The following CSMD1 variants were observed in gnomAD, a reference collection of about 807,000 sequenced individuals.
CSMD1 encodes the protein CUB and Sushi multiple domains 1, also known as CUB and sushi domain-containing protein 1.
In CSMD1, 213 loss-of-function variants were observed where a neutral mutation model predicts 417.5. That is an observed-to-expected ratio of 0.51 (90% CI 0.46 to 0.57). The LOEUF (loss-of-function observed/expected upper bound fraction) is 0.57. CSMD1 is among the 20% of genes least tolerant of loss of function. CSMD1 has a pLI of 0.00. For missense variants in CSMD1, 6,923 were observed against 4,529.7 expected, an observed-to-expected ratio of 1.53 and a Z score of -15.17; for synonymous variants, 2,862 against 1,736.8, an observed-to-expected ratio of 1.65 and a Z score of -16.11.
chr8:4,379,447 A>C (rs998225727), intron 3 of CSMD1, among the ~76,000 whole-genome samples: 1 of 152,228 alleles, frequency 6.6e-6, no homozygotes, highest in African/African-American at 2.4e-5. Flanking sequence ...TTAGTTAATA[A>C]TGCTGTGTCA....
intron 39 of CSMD1, among the ~76,000 whole-genome samples, chr8:3,155,942 G>T (rs13250365): frequency 0.061 from 9,303 of 152,240 alleles, 392 homozygotes; most frequent in Middle Eastern, 0.12. Flanking sequence ...TCCCATGCAA[G>T]GCAGTTAAAT....
intron 28 of CSMD1, among the ~76,000 whole-genome samples, chr8:3,220,130 G>A (rs1024629553): frequency 3.9e-5 from 5 of 129,358 alleles, no homozygotes; most frequent in South Asian, 2.5e-4. Flanking sequence ...TCCACCCTGA[G>A]AGACAGAACA....
chr8:2,961,337 G>A (rs1341637054), intron 61 of CSMD1, 123 bp from the exon 62 acceptor site: 2 of 455,852 alleles, frequency 4.4e-6, no homozygotes, highest in East Asian at 3.7e-5. Flanking sequence ...TGTGCAAGAT[G>A]TTTTTCAGGA....
chr8:3,570,095 A>G (rs1211750051), intron 10 of CSMD1, among the ~76,000 whole-genome samples: 8 of 152,242 alleles, frequency 5.3e-5, no homozygotes, highest in Non-Finnish European at 1.2e-4. Context: ...GCCTAAATTC[A>G]TTACTGGTCA....
chr8:4,250,901 A>C lies in CSMD1; in HGVS notation c.415+169052T>G, dbSNP rs1479112488. 2.0e-5 allele frequency among the ~76,000 whole-genome samples: 3 copies of C among 152,060 alleles called. No homozygotes were observed. In the East Asian group the frequency reaches 5.8e-4, roughly 29 times the overall value. ...TACCCTGATGAAAAGAGCACCTCTT[A>C]AACAATAAGGTCTTAGTCACGGCTG... On this transcript the variant is annotated intron_variant, in intron 3 of 69. Coordinates refer to ENST00000635120, the MANE Select transcript of CSMD1 (RefSeq NM_033225.6).
intron 12 of CSMD1, among the ~76,000 whole-genome samples, chr8:3,414,315 T>C (rs1812996165): frequency 6.7e-6 from 1 of 148,416 alleles, no homozygotes; most frequent in Non-Finnish European, 1.5e-5. Context: ...CGGAAAATAT[T>C]GTTTAAGGAT....
chr8:3,439,309 A>ATATATATATATATATATATATATTTT, intron 12 of CSMD1, among the ~76,000 whole-genome samples: 16 of 62,426 alleles, frequency 2.6e-4, no homozygotes, highest in African/African-American at 5.3e-4. Flanking sequence ...ATATATATAT[A>ATATATATATATATATATATATATTTT]TTTTTTTTTT....
At chr8:3,805,724 T>A (rs1408000782) in intron 5 of CSMD1, among the ~76,000 whole-genome samples, 1 of 152,180 alleles carries the variant, frequency 6.6e-6, no homozygotes, top group Non-Finnish European at 1.5e-5. Context: ...CTTTTTTTAA[T>A]TCGAGAATCT....
intron 1 of CSMD1, among the ~76,000 whole-genome samples, chr8:4,919,683 T>C (rs2117132936): frequency 1.3e-5 from 2 of 152,306 alleles, no homozygotes; most frequent in South Asian, 4.1e-4. Context: ...ATAGGAGGTG[T>C]GAATCTGTCC....
chr8:3,555,029 G>T (rs191366775), intron 10 of CSMD1, among the ~76,000 whole-genome samples: 1 of 152,230 alleles, frequency 6.6e-6, no homozygotes, highest in African/African-American at 2.4e-5. Flanking sequence ...AGAAGACTGT[G>T]CGTGAGGAGT....
rs754686645 is a variant in CSMD1 at position 3,284,124 on chromosome 8, A to C, written c.4153+20T>G. 9 of 1,539,502 alleles carry C rather than the reference A, an allele frequency of 5.8e-6. No homozygotes were observed. Among genetic ancestry groups the C allele is most frequent in the East Asian group, 4.9e-5 (2 of 40,912 alleles). ...AGACTTTGATATCAAGGTAAAGAAGAAGCACGCTGTGCCACCTACTGGAGA... is the reference window on the plus strand; with the variant it reads ...AGACTTTGATATCAAGGTAAAGAAGCAGCACGCTGTGCCACCTACTGGAGA... On this transcript the variant is annotated intron_variant, in intron 26 of 69. Coordinates refer to ENST00000635120, the MANE Select transcript of CSMD1 (RefSeq NM_033225.6).
intron 46 of CSMD1, among the ~76,000 whole-genome samples, chr8:3,103,345 G>T (rs568667278): frequency 1.3e-5 from 2 of 152,168 alleles, no homozygotes; most frequent in South Asian, 2.1e-4. Flanking sequence ...GTTTGGTCCA[G>T]GAACACTTAA....
intron 25 of CSMD1, among the ~76,000 whole-genome samples, chr8:3,288,104 T>C (rs1803290370): frequency 6.8e-6 from 1 of 147,488 alleles, no homozygotes; most frequent in South Asian, 2.1e-4. Context: ...CTGGATTACA[T>C]TTATCGATTT....
In CSMD1 at chr8:4,805,843, T is replaced by C. The variant is rs79259029; in HGVS notation, c.86-168285A>G. Among the ~76,000 whole-genome samples the C allele has an allele frequency of 9.8e-4, 149 of 152,214 alleles. 2 individuals are homozygous for C. The East Asian group carries it at 0.026, about 27-fold the overall frequency. ...TGGAAAACTCGAAAGTGGAAGCTCA[T>C]TGTGGGATGCAGCACAGATATGCTA... On this transcript the variant is annotated intron_variant, in intron 1 of 69. Transcript: ENST00000635120.
At chr8:3,718,305 A>T (rs969153956) in intron 6 of CSMD1, among the ~76,000 whole-genome samples, 15 of 146,326 alleles carry the variant, frequency 1.0e-4, no homozygotes, top group Admixed American at 9.7e-4. Flanking sequence ...CATTTTTTTT[A>T]TTGGATTTTT....
At chr8:3,368,499 G>A (rs948803406) in intron 19 of CSMD1, among the ~76,000 whole-genome samples, 3 of 152,048 alleles carry the variant, frequency 2.0e-5, no homozygotes, top group African/African-American at 7.2e-5. Flanking sequence ...ACGATGCCTG[G>A]CTAATTATTT....
chr8:3,716,784 T>C (rs1285698899), intron 6 of CSMD1, among the ~76,000 whole-genome samples: 2 of 152,114 alleles, frequency 1.3e-5, no homozygotes, highest in South Asian at 2.1e-4. Context: ...GGTTCAACTT[T>C]CCATTTAACT....
At chr8:3,473,030 T>G (rs994993320) in intron 11 of CSMD1, among the ~76,000 whole-genome samples, 1 of 152,138 alleles carries the variant, frequency 6.6e-6, no homozygotes, top group African/African-American at 2.4e-5. Context: ...GTTCTGGCAT[T>G]TCATCTCCCC....
Position 4,459,774 on chromosome 8 carries a change from G to C in CSMD1, c.303-39709C>G, listed in dbSNP as rs568651149. 2.0e-5 allele frequency among the ~76,000 whole-genome samples: 3 copies of C among 152,298 alleles called. No homozygotes were observed. The East Asian group carries it at 5.8e-4, about 29-fold the overall frequency. On this transcript the variant is annotated intron_variant, in intron 2 of 69. Coordinates refer to ENST00000635120, the MANE Select transcript of CSMD1 (RefSeq NM_033225.6). ...TTCAGCCTCTAGCCTCCAGAACTAT[G>C]AGAAAATTAATTTTTGCTGTTTAAA...
Sources: allele counts gnomAD v4.1 joint callset (sites outside exome capture counted in the v4.1 genomes callset), GRCh38; gene constraint gnomAD v4.1.1; transcripts MANE v1.5; gene names NCBI Gene and HGNC (gene_info 2026-07-23, HGNC 2026-07-21).